KIAA0825: variants seen among roughly 807,000 people sequenced by gnomAD.
KIAA0825 encodes the protein uncharacterized protein KIAA0825.
KIAA0825 carries 119 observed loss-of-function variants against 147.6 expected under a neutral mutation model. The observed-to-expected ratio is 0.81, with a 90% confidence interval of 0.69 to 0.94. The LOEUF is 0.94. Ranked by LOEUF, KIAA0825 falls within the 40% of genes least tolerant of loss-of-function variation. KIAA0825 has a pLI of 0.00. For synonymous variants in KIAA0825, 470 were observed against 518.1 expected (o/e 0.91, Z 1.26); for missense variants, 1,381 against 1,472.7 (o/e 0.94, Z 1.02).
chr5:94,537,215 A>C, intron 2 of KIAA0825, 88 bp from the exon 3 acceptor site: 1 of 933,322 alleles, frequency 1.1e-6, no homozygotes, highest in Non-Finnish European at 1.6e-6. Flanking sequence ...TCAAGTTGTG[A>C]TACTAAACCA....
Position 94,403,717 on chromosome 5 carries a change from A to AGT in KIAA0825, c.2737_2738dup (p.Val914LeufsTer5). 6.4e-7 allele frequency: 1 copy of AGT among 1,551,560 alleles called. No individual in the cohort carries two copies. Among genetic ancestry groups the AGT allele is most frequent in the Non-Finnish European group, 8.7e-7 (1 of 1,146,898 alleles). ...TCATTACAGATACTATCTGCTGTAC[A>AGT]GTGTCCTTGATGGCATCGGTCAGTG... On this transcript the variant is annotated frameshift_variant, in exon 16 of 21. Coordinates refer to ENST00000682413, the MANE Select transcript of KIAA0825 (RefSeq NM_001145678.3). LOFTEE classifies it high-confidence loss of function.
intron 15 of KIAA0825, chr5:94,416,164 G>T (rs1275992281): frequency 6.6e-6 from 1 of 152,168 alleles, no homozygotes; most frequent in Non-Finnish European, 1.5e-5. Context: ...ATTTTAAAAA[G>T]AGATCATTAT....
chr5:94,154,109 C>T lies in KIAA0825; in HGVS notation c.3726G>A (p.Lys1242=). The change falls in exon 21 of 21, where the codon AAG becomes AAA. Residue 1242 remains lysine, a synonymous_variant. Transcript: ENST00000682413. ...TTTCTTCCTCTTCTAGTGTTTCATC[C>T]TTCTTCATTTCCCACCTAAAAGAAA... is the stretch of plus-strand genomic sequence containing the variant. ...VLLKNRWEMK[K]DETLEEEEKA... is the part of the protein sequence containing the mutation. The T allele has an allele frequency of 6.4e-7, 1 of 1,550,440 alleles. No homozygotes were observed. The highest frequency in any genetic ancestry group is 8.7e-7 in the Non-Finnish European group (1 of 1,145,950).
chr5:94,464,824 T>G, intron 11 of KIAA0825, 45 bp downstream of exon 11: 1 of 1,509,774 alleles, frequency 6.6e-7, no homozygotes, highest in Non-Finnish European at 8.9e-7. Context: ...TACCAACTAA[T>G]GAAAAGTTTT....
chr5:94,612,023 G>A (rs1788954722), intron 1 of KIAA0825: 1 of 152,086 alleles, frequency 6.6e-6, no homozygotes, highest in South Asian at 2.1e-4. Context: ...ACAATAGTGT[G>A]TTTAACCACA....
chr5:94,274,194 A>G (rs755246737), intron 20 of KIAA0825, among the ~76,000 whole-genome samples: 3 of 152,132 alleles, frequency 2.0e-5, no homozygotes, highest in Non-Finnish European at 4.4e-5. Flanking sequence ...ACATAACATA[A>G]TGGGGTTGTA....
chr5:94,342,152 C>T (rs1782465387), intron 20 of KIAA0825, among the ~76,000 whole-genome samples: 1 of 151,436 alleles, frequency 6.6e-6, no homozygotes, highest in Non-Finnish European at 1.5e-5. Context: ...GCCGAGACCG[C>T]ACCACTGCAC....
chr5:94,472,870 C>A (rs769377477), intron 8 of KIAA0825, among the ~76,000 whole-genome samples: 2 of 152,166 alleles, frequency 1.3e-5, no homozygotes, highest in Non-Finnish European at 2.9e-5. Context: ...TTTCAAAGCA[C>A]ATATGGAGAT....
intron 20 of KIAA0825, among the ~76,000 whole-genome samples, chr5:94,369,815 AG>A (rs1034936459): frequency 1.3e-5 from 2 of 152,186 alleles, no homozygotes; most frequent in Non-Finnish European, 1.5e-5. Flanking sequence ...GGGAGAGGAT[AG>A]GGGAAAAAGA....
At chr5:94,374,759 T>A (rs1747283358) in intron 20 of KIAA0825, among the ~76,000 whole-genome samples, 1 of 152,172 alleles carries the variant, frequency 6.6e-6, no homozygotes, top group Admixed American at 6.5e-5. Flanking sequence ...TTCACAGGTA[T>A]CAGATCAGCA....
intron 20 of KIAA0825, among the ~76,000 whole-genome samples, chr5:94,259,288 G>A (rs962982560): frequency 6.6e-6 from 1 of 151,988 alleles, no homozygotes; most frequent in Non-Finnish European, 1.5e-5. Flanking sequence ...TGGCTCTACT[G>A]TTTCTTTACA....
chr5:94,229,575 TGAA>T (rs1288322307), intron 20 of KIAA0825, among the ~76,000 whole-genome samples: 2 of 151,910 alleles, frequency 1.3e-5, no homozygotes, highest in African/African-American at 4.8e-5. Context: ...TCTTTTTTTT[TGAA>T]GGAGGGACTC....
intron 5 of KIAA0825, among the ~76,000 whole-genome samples, chr5:94,486,483 T>C (rs1310869462): frequency 1.3e-5 from 2 of 152,082 alleles, no homozygotes. Context: ...GCAGGTACTA[T>C]GAGAAAGAGC....
At chr5:94,548,694 C>T (rs1413371302) in intron 2 of KIAA0825, among the ~76,000 whole-genome samples, 1 of 152,006 alleles carries the variant, frequency 6.6e-6, no homozygotes, top group Non-Finnish European at 1.5e-5. Flanking sequence ...TAAAGATACA[C>T]AAAGACTGAA....
intron 5 of KIAA0825, among the ~76,000 whole-genome samples, chr5:94,514,896 G>A (rs919538486): frequency 6.6e-6 from 1 of 151,828 alleles, no homozygotes; most frequent in African/African-American, 2.4e-5. Context: ...AAGAACAAGG[G>A]ACTATGAAAA....
At chr5:94,537,379 C>T (rs1420721156) in intron 2 of KIAA0825, among the ~76,000 whole-genome samples, 3 of 152,074 alleles carry the variant, frequency 2.0e-5, no homozygotes, top group East Asian at 1.9e-4. Flanking sequence ...GGGCCGGGCG[C>T]GGTGGCTCAC....
At chr5:94,533,193 T>C (rs1584802537) in intron 3 of KIAA0825, among the ~76,000 whole-genome samples, 1 of 151,426 alleles carries the variant, frequency 6.6e-6, no homozygotes, top group African/African-American at 2.4e-5. Flanking sequence ...TTAGCCAGGA[T>C]GGTCTCCATC....
At chr5:94,192,692 C>T (rs780010247) in intron 20 of KIAA0825, among the ~76,000 whole-genome samples, 8 of 152,122 alleles carry the variant, frequency 5.3e-5, no homozygotes, top group African/African-American at 9.7e-5. Context: ...CCAGCACTAC[C>T]TGCCATCCAC....
At chr5:94,562,779 C>T (rs907267338) in intron 2 of KIAA0825, among the ~76,000 whole-genome samples, 2 of 152,122 alleles carry the variant, frequency 1.3e-5, no homozygotes, top group African/African-American at 2.4e-5. Flanking sequence ...AGGAAAGAAC[C>T]TAGCATTTAT....
Sources: gnomAD v4.1 joint callset for allele counts (sites outside exome capture counted in the v4.1 genomes callset) on GRCh38, gnomAD v4.1.1 for gene constraint, MANE v1.5 for transcripts, NCBI Gene and HGNC (gene_info 2026-07-23, HGNC 2026-07-21) for gene names.